The following DLG2 variants were observed in gnomAD, a reference collection of about 807,000 sequenced individuals.
DLG2 encodes discs large MAGUK scaffold protein 2, also known as disks large homolog 2.
A neutral mutation model predicts 132.5 loss-of-function variants in DLG2; 45 were observed. The ratio of observed to expected loss-of-function variants is 0.34; its 90% CI spans 0.27 to 0.44. The LOEUF (loss-of-function observed/expected upper bound fraction) is 0.44. Among genes scored for constraint, DLG2 ranks in the 20% least tolerant of loss-of-function variants. The pLI is 1.00. For synonymous variants in DLG2, 424 were observed against 419.6 expected, an observed-to-expected ratio of 1.01 and a Z score of -0.13; for missense variants, 1,045 against 1,196.9, an observed-to-expected ratio of 0.87 and a Z score of 1.87.
At chr11:84,947,723 A>G (rs1361565761) in intron 6 of DLG2, among the ~76,000 whole-genome samples, 1 of 152,226 alleles carries the variant, frequency 6.6e-6, no homozygotes, top group African/African-American at 2.4e-5. Context: ...ATTTGCAGAA[A>G]GTGGAGATTA....
At chr11:83,696,911 T>C (rs2082049499) in intron 18 of DLG2, among the ~76,000 whole-genome samples, 1 of 152,220 alleles carries the variant, frequency 6.6e-6, no homozygotes, top group African/African-American at 2.4e-5. Flanking sequence ...AAATCCATTT[T>C]TAATTTTCGC....
chr11:84,804,698 A>G lies in DLG2; in HGVS notation c.358-269967T>C, dbSNP rs1044342429. Among the ~76,000 whole-genome samples the G allele has an allele frequency of 3.3e-5, 5 of 152,226 alleles. No individual in the cohort carries two copies. In the South Asian group the frequency reaches 6.2e-4, roughly 19 times the overall value. On this transcript the variant is annotated intron_variant, in intron 6 of 27. Transcript: ENST00000376104. ...TAGCCAAAGGTCCAGGAAAAGGCAGAAAGAACATTTTTACATTATAACTGT... is the reference window on the plus strand; with the variant it reads ...TAGCCAAAGGTCCAGGAAAAGGCAGGAAGAACATTTTTACATTATAACTGT...
chr11:85,293,141 A>G (rs1413619011), intron 3 of DLG2, among the ~76,000 whole-genome samples: 1 of 152,186 alleles, frequency 6.6e-6, no homozygotes, highest in African/African-American at 2.4e-5. Flanking sequence ...TCTTCCTTCC[A>G]GAATTCCAAC....
chr11:83,684,891 G>A (rs549496669), intron 18 of DLG2, among the ~76,000 whole-genome samples: 26 of 152,040 alleles, frequency 1.7e-4, no homozygotes, highest in African/African-American at 5.8e-4. Context: ...CCCCTGTCAC[G>A]AATAATCATA....
At chr11:83,745,153 T>C (rs532260488) in intron 18 of DLG2, among the ~76,000 whole-genome samples, 1 of 152,194 alleles carries the variant, frequency 6.6e-6, no homozygotes, top group Non-Finnish European at 1.5e-5. Context: ...TTTTACAGGA[T>C]TTAAACCCCT....
At chr11:85,147,633 A>G (rs1041860319) in intron 5 of DLG2, among the ~76,000 whole-genome samples, 2 of 152,232 alleles carry the variant, frequency 1.3e-5, no homozygotes, top group Non-Finnish European at 2.9e-5. Flanking sequence ...TTCATAACCA[A>G]TGAATTAAGT....
intron 6 of DLG2, among the ~76,000 whole-genome samples, chr11:84,853,291 A>T (rs1391691564): frequency 1.3e-5 from 2 of 151,998 alleles, no homozygotes; most frequent in East Asian, 1.9e-4. Flanking sequence ...CCCAGTGAAC[A>T]TCAGGGTCTT....
intron 18 of DLG2, among the ~76,000 whole-genome samples, chr11:83,636,788 GT>G (rs1446594643): frequency 6.6e-6 from 1 of 152,102 alleles, no homozygotes; most frequent in Non-Finnish European, 1.5e-5. Context: ...CTTTCGAAAT[GT>G]TTTGACTGCA....
chr11:84,551,589 A>G (rs1158926619), intron 6 of DLG2, among the ~76,000 whole-genome samples: 1 of 152,238 alleles, frequency 6.6e-6, no homozygotes, highest in Non-Finnish European at 1.5e-5. Context: ...TTAACAGATG[A>G]GAAAATACAG....
intron 9 of DLG2, among the ~76,000 whole-genome samples, chr11:84,161,729 G>A (rs901564786): frequency 1.3e-5 from 2 of 152,166 alleles, no homozygotes; most frequent in African/African-American, 4.8e-5. Context: ...ACGGGCATGA[G>A]ACCTGTTCAG....
chr11:83,757,728 T>G (rs1307205471), intron 18 of DLG2, among the ~76,000 whole-genome samples: 1 of 152,166 alleles, frequency 6.6e-6, no homozygotes, highest in Non-Finnish European at 1.5e-5. Flanking sequence ...CTTCTCTGAC[T>G]TCACACACAC....
intron 6 of DLG2, chr11:84,545,454 C>A: frequency 2.3e-6 from 1 of 431,804 alleles, no homozygotes; most frequent in East Asian, 6.0e-5. Flanking sequence ...ATAGTTCATA[C>A]CAAAACCACC....
chr11:83,892,396 AT>A (rs1411158720), intron 15 of DLG2, among the ~76,000 whole-genome samples: 1 of 152,208 alleles, frequency 6.6e-6, no homozygotes, highest in East Asian at 1.9e-4. Flanking sequence ...GCTTGATAAT[AT>A]TTAGTATTCA....
chr11:84,923,654 T>C, intron 6 of DLG2: 1 of 921,030 alleles, frequency 1.1e-6, no homozygotes, highest in Non-Finnish European at 1.3e-6. Context: ...CAGGCTATTC[T>C]GGTGCAGCAC....
At chr11:85,110,849 A>C (rs1046416430) in intron 6 of DLG2, among the ~76,000 whole-genome samples, 4 of 152,144 alleles carry the variant, frequency 2.6e-5, no homozygotes, top group Non-Finnish European at 4.4e-5. Context: ...GAGTCAAATG[A>C]GGAGAATTTC....
intron 7 of DLG2, among the ~76,000 whole-genome samples, chr11:84,425,602 T>C (rs1022239267): frequency 3.9e-5 from 6 of 152,154 alleles, no homozygotes; most frequent in African/African-American, 1.4e-4. Flanking sequence ...ATATTCAAAA[T>C]GTTATACTTG....
At chr11:83,765,609 G>T (rs2094108924) in intron 18 of DLG2, among the ~76,000 whole-genome samples, 1 of 152,196 alleles carries the variant, frequency 6.6e-6, no homozygotes, top group Non-Finnish European at 1.5e-5. Context: ...ACAGAGGTTA[G>T]ATATTTAATG....
intron 6 of DLG2, among the ~76,000 whole-genome samples, chr11:84,693,913 C>G (rs557589271): frequency 6.6e-5 from 10 of 151,756 alleles, no homozygotes; most frequent in Non-Finnish European, 1.2e-4. Context: ...AAGACATTCC[C>G]AAACTGGAAA....
chr11:83,641,955 G>A (rs1335371755), intron 18 of DLG2, among the ~76,000 whole-genome samples: 1 of 151,926 alleles, frequency 6.6e-6, no homozygotes, highest in Non-Finnish European at 1.5e-5. Flanking sequence ...GAGATACAGA[G>A]ATGGAGAGAG....
Sources: allele counts gnomAD v4.1 joint callset (sites outside exome capture counted in the v4.1 genomes callset), GRCh38; gene constraint gnomAD v4.1.1; transcripts MANE v1.5; gene names NCBI Gene and HGNC (gene_info 2026-07-23, HGNC 2026-07-21).